NRG1: variants seen among roughly 807,000 people sequenced by gnomAD.
The protein encoded by NRG1 is pro-neuregulin-1, membrane-bound isoform.
A neutral mutation model predicts 63.8 loss-of-function variants in NRG1; 18 were observed. The ratio of observed to expected loss-of-function variants is 0.28; its 90% CI spans 0.19 to 0.42. The LOEUF is 0.42. NRG1 is among the 10% of genes least tolerant of loss of function. The pLI, the probability that NRG1 is intolerant of heterozygous loss-of-function variation, is 1.00. For synonymous variants in NRG1, 302 were observed against 301.3 expected (o/e 1.00, Z -0.02); for missense variants, 762 against 814.7 (o/e 0.94, Z 0.79).
chr8:32,195,809 G>A (rs1842895950), intron 1 of NRG1, among the ~76,000 whole-genome samples: 1 of 152,070 alleles, frequency 6.6e-6, no homozygotes, highest in Non-Finnish European at 1.5e-5. Flanking sequence ...TCAGGGAATT[G>A]TTTAATATAT....
At chr8:32,462,595 C>CTTTTTTTT (rs58485445) in intron 1 of NRG1, among the ~76,000 whole-genome samples, 19 of 72,292 alleles carry the variant, frequency 2.6e-4, no homozygotes, top group East Asian at 4.5e-4. Context: ...CACACTGATT[C>CTTTTTTTT]TTTTTTTTTT....
At chr8:32,130,636 T>G (rs1447657084) in intron 1 of NRG1, among the ~76,000 whole-genome samples, 1 of 151,932 alleles carries the variant, frequency 6.6e-6, no homozygotes, top group Non-Finnish European at 1.5e-5. Flanking sequence ...GCGAGCTAAC[T>G]GTGCTGAAAT....
chr8:31,838,062 G>T (rs1295713125), intron 1 of NRG1, among the ~76,000 whole-genome samples: 1 of 152,018 alleles, frequency 6.6e-6, no homozygotes, highest in Non-Finnish European at 1.5e-5. Flanking sequence ...TTTCCACAAT[G>T]GTAGTACTGA....
At chr8:32,128,997 G>T (rs1255593659) in intron 1 of NRG1, among the ~76,000 whole-genome samples, 1 of 151,898 alleles carries the variant, frequency 6.6e-6, no homozygotes, top group Non-Finnish European at 1.5e-5. Context: ...GTCACTTACA[G>T]TGGGAATGCT....
chr8:32,454,128 G>A (rs1195943277), intron 1 of NRG1, among the ~76,000 whole-genome samples: 1 of 152,226 alleles, frequency 6.6e-6, no homozygotes, highest in South Asian at 2.1e-4. Context: ...TGCTGAGTAA[G>A]TTGTGAAATG....
At chr8:32,290,294 G>A (rs1854038166) in intron 1 of NRG1, among the ~76,000 whole-genome samples, 1 of 151,032 alleles carries the variant, frequency 6.6e-6, no homozygotes, top group African/African-American at 2.4e-5. Flanking sequence ...TGATACTATG[G>A]GTTTCATTTC....
chr8:31,888,100 A>T (rs904068045), intron 1 of NRG1, among the ~76,000 whole-genome samples: 1 of 151,874 alleles, frequency 6.6e-6, no homozygotes, highest in African/African-American at 2.4e-5. Context: ...ATGTGTTGAT[A>T]TATTACATAT....
At chr8:32,684,664 A>G (rs1337332799) in intron 5 of NRG1, among the ~76,000 whole-genome samples, 2 of 152,112 alleles carry the variant, frequency 1.3e-5, no homozygotes, top group Non-Finnish European at 2.9e-5. Flanking sequence ...TCAAATATTT[A>G]TGGGGGAACC....
intron 1 of NRG1, among the ~76,000 whole-genome samples, chr8:31,728,117 A>G (rs886961277): frequency 1.3e-5 from 2 of 152,186 alleles, no homozygotes; most frequent in South Asian, 2.1e-4. Context: ...GTTTCAAACC[A>G]AGGGTAACTG....
chr8:31,737,531 A>T (rs1814809512), intron 1 of NRG1, among the ~76,000 whole-genome samples: 1 of 152,112 alleles, frequency 6.6e-6, no homozygotes, highest in Non-Finnish European at 1.5e-5. Flanking sequence ...CCCAGGATAG[A>T]ATATTTGGTA....
intron 1 of NRG1, among the ~76,000 whole-genome samples, chr8:31,709,801 T>C (rs1043553033): frequency 6.6e-6 from 1 of 151,886 alleles, no homozygotes; most frequent in Non-Finnish European, 1.5e-5. Context: ...CTTTTTAAAT[T>C]CTTATTTTCA....
At chr8:32,146,317 T>C (rs1836865656) in intron 1 of NRG1, among the ~76,000 whole-genome samples, 1 of 152,224 alleles carries the variant, frequency 6.6e-6, no homozygotes, top group Admixed American at 6.5e-5. Context: ...TCCTACTGAA[T>C]AGCTTTGTTG....
At chr8:32,412,453 C>CATAT (rs368054524) in intron 1 of NRG1, among the ~76,000 whole-genome samples, 118 of 76,696 alleles carry the variant, frequency 1.5e-3, no homozygotes, top group East Asian at 4.5e-3. Flanking sequence ...TATATATATA[C>CATAT]ATATATATAT....
chr8:32,420,866 T>G (rs1411607057), intron 1 of NRG1, among the ~76,000 whole-genome samples: 1 of 152,132 alleles, frequency 6.6e-6, no homozygotes, highest in East Asian at 1.9e-4. Flanking sequence ...AATTGAATCA[T>G]GGGAGCAGTT....
At chr8:32,771,718 ATAT>A (rs1564159691), downstream of NRG1, among the ~76,000 whole-genome samples, 1,510 of 126,534 alleles carry the variant, frequency 0.012, 17 homozygotes, top group Non-Finnish European at 0.017. Context: ...AAAAAAAAAT[ATAT>A]ATATATATAT....
chr8:32,697,416 G>A (rs919601685), intron 5 of NRG1, among the ~76,000 whole-genome samples: 1 of 152,146 alleles, frequency 6.6e-6, no homozygotes, highest in Non-Finnish European at 1.5e-5. Context: ...ACAAATTAGA[G>A]GATTGCTTAG....
intron 1 of NRG1, among the ~76,000 whole-genome samples, chr8:32,459,391 G>T (rs79434262): frequency 2.6e-5 from 4 of 151,964 alleles, no homozygotes; most frequent in Non-Finnish European, 5.9e-5. Context: ...ATAGTTTAGC[G>T]GTAGTTTTTA....
chr8:32,302,636 T>A (rs1025555624), intron 1 of NRG1, among the ~76,000 whole-genome samples: 2 of 141,180 alleles, frequency 1.4e-5, no homozygotes, highest in African/African-American at 5.3e-5. Context: ...TTAATGAAAA[T>A]GAAGTATTTG....
intron 1 of NRG1, among the ~76,000 whole-genome samples, chr8:31,884,165 T>A (rs1170444510): frequency 6.6e-6 from 1 of 152,146 alleles, no homozygotes; most frequent in Admixed American, 6.6e-5. Flanking sequence ...ATATTAGGAA[T>A]GCTTTTTGGC....
Sources: gnomAD v4.1 joint callset for allele counts (sites outside exome capture counted in the v4.1 genomes callset) on GRCh38, gnomAD v4.1.1 for gene constraint, MANE v1.5 for transcripts, NCBI Gene and HGNC (gene_info 2026-07-23, HGNC 2026-07-21) for gene names.